CELF1: variants seen among roughly 807,000 people sequenced by gnomAD.
CELF1 encodes the protein 50 kDa nuclear polyadenylated RNA-binding protein.
A neutral mutation model predicts 61.8 loss-of-function variants in CELF1; 10 were observed. That is an observed-to-expected ratio of 0.16 (90% CI 0.10 to 0.27). The LOEUF is 0.27. CELF1 is among the 10% of genes least tolerant of loss of function. CELF1 has a pLI of 1.00. For synonymous variants in CELF1, 236 were observed against 225.1 expected (o/e 1.05, Z -0.43); for missense variants, 380 against 639.1 (o/e 0.59, Z 4.37).
At chr11:47,493,616 T>C (rs1396418161) in intron 3 of CELF1, among the ~76,000 whole-genome samples, 7 of 151,874 alleles carry the variant, frequency 4.6e-5, no homozygotes, top group Non-Finnish European at 1.0e-4. Flanking sequence ...TTACAGAAAT[T>C]AGACTGAGCA....
chr11:47,526,047 G>A (rs962639684), intron 1 of CELF1, among the ~76,000 whole-genome samples: 1 of 152,018 alleles, frequency 6.6e-6, no homozygotes, highest in African/African-American at 2.4e-5. Context: ...GGGCACCTGC[G>A]CACCAGGAGT....
chr11:47,545,370 G>A (rs559884745), intron 1 of CELF1, among the ~76,000 whole-genome samples: 1 of 152,314 alleles, frequency 6.6e-6, no homozygotes, highest in African/African-American at 2.4e-5. Context: ...AGCAGAGGTT[G>A]CAGTGAGCCG....
intron 1 of CELF1, among the ~76,000 whole-genome samples, chr11:47,530,892 C>A (rs2096449395): frequency 6.6e-6 from 1 of 151,854 alleles, no homozygotes; most frequent in African/African-American, 2.4e-5. Flanking sequence ...GAGGTCAAGG[C>A]TACAGTGAGC....
intron 1 of CELF1, among the ~76,000 whole-genome samples, chr11:47,552,347 G>A (rs1189792340): frequency 6.6e-6 from 1 of 152,216 alleles, no homozygotes; most frequent in African/African-American, 2.4e-5. Flanking sequence ...TAAAATCAAA[G>A]CCTGGTCCCT....
chr11:47,478,787 CACAGAA>C (rs2081380527), intron 10 of CELF1, 84 bp downstream of exon 10: 1 of 1,071,844 alleles, frequency 9.3e-7, no homozygotes, highest in African/African-American at 1.6e-5. Context: ...AAAATGTTTT[CACAGAA>C]ACGATGCCAA....
chr11:47,523,771 GA>G (rs1204495511), intron 1 of CELF1: 3 of 152,312 alleles, frequency 2.0e-5, no homozygotes, highest in African/African-American at 7.2e-5. Context: ...CTCATGAGGG[GA>G]TGGGGGAGGG....
chr11:47,477,153 A>C, intron 11 of CELF1, 144 bp downstream of exon 11: 1 of 987,648 alleles, frequency 1.0e-6, no homozygotes, highest in South Asian at 1.6e-5. Flanking sequence ...TTAAGTACAA[A>C]AGATGACATT....
Position 47,507,190 on chromosome 11 carries a change from A to C in CELF1, c.-153-6258T>G, listed in dbSNP as rs560427189. 5.3e-5 allele frequency among the ~76,000 whole-genome samples: 8 copies of C among 152,364 alleles called. No homozygotes were observed. The South Asian group carries it at 1.5e-3, about 28-fold the overall frequency. On this transcript the variant is annotated intron_variant, in intron 1 of 14. Transcript: ENST00000687097. ...GTAACAAATAGCAAAACAATGACTA[A>C]AATTTATGAGGTTGAATTTCAGTAC...
At chr11:47,534,689 C>G (rs1321738776) in intron 1 of CELF1, among the ~76,000 whole-genome samples, 1 of 152,130 alleles carries the variant, frequency 6.6e-6, no homozygotes, top group Non-Finnish European at 1.5e-5. Context: ...GATCGCACCA[C>G]TGCACTCCAG....
At chr11:47,561,379 C>G (rs1489250879) in intron 2 of CELF1, among the ~76,000 whole-genome samples, 1 of 128,248 alleles carries the variant, frequency 7.8e-6, no homozygotes, top group Non-Finnish European at 1.6e-5. Context: ...GGAGGCGGAG[C>G]TTGCAGTGAG....
intron 10 of CELF1, among the ~76,000 whole-genome samples, chr11:47,477,955 G>GA (rs2081008165): frequency 6.6e-6 from 1 of 152,032 alleles, no homozygotes; most frequent in East Asian, 1.9e-4. Flanking sequence ...GAGGAGAGAG[G>GA]AAAAATCACT....
intron 13 of CELF1, among the ~76,000 whole-genome samples, chr11:47,473,670 A>G (rs2078688080): frequency 6.6e-6 from 1 of 152,190 alleles, no homozygotes; most frequent in Admixed American, 6.5e-5. Context: ...ATGACTACAA[A>G]GGGGCACGAG....
Position 47,472,190 on chromosome 11 carries a change from C to T in CELF1, c.*40G>A. ...ATTAAGGGTGCTCCTCCCCCACTTA[C>T]CAGAAGACCCTCTCACTCCAGTCTC... is the stretch of plus-strand genomic sequence containing the variant. On this transcript the variant is annotated 3_prime_UTR_variant, in exon 15 of 15. Transcript: ENST00000687097. 6.2e-7 allele frequency: 1 copy of T among 1,609,472 alleles called. No homozygotes were observed. The highest frequency in any genetic ancestry group is 8.5e-7 in the Non-Finnish European group (1 of 1,177,336).
exon 1 of CELF1, chr11:47,565,443 GGGCCCTCCTCCA>G: frequency 4.2e-6 from 2 of 478,646 alleles, no homozygotes; most frequent in East Asian, 9.2e-5. Flanking sequence ...CGAGGCCGCC[GGGCCCTCCTCCA>G]GAGTCCCGCC....
At position 47,522,541 on chromosome 11, in the gene CELF1, C is replaced by CAAA. The variant is rs773080593; in HGVS notation, c.-153-21612_-153-21610dup. Among the ~76,000 whole-genome samples, 98 of 151,214 alleles carry CAAA rather than the reference C, an allele frequency of 6.5e-4. 21 individuals are homozygous for CAAA. Among genetic ancestry groups the CAAA allele is most frequent in the Non-Finnish European group, 9.1e-4 (62 of 67,782 alleles). On this transcript the variant is annotated intron_variant, in intron 1 of 14. Coordinates refer to ENST00000687097, the MANE Select transcript of CELF1 (RefSeq NM_001376376.1). ...TCTAAAACAACAACAACAACAACAACAAAACGCCAGGCACAGTGGCTCAGG... is the reference window on the plus strand; with the variant it reads ...TCTAAAACAACAACAACAACAACAACAAAAAAACGCCAGGCACAGTGGCTCAGG...
intron 1 of CELF1, among the ~76,000 whole-genome samples, chr11:47,524,314 A>AT (rs1272633552): frequency 6.6e-6 from 1 of 152,066 alleles, no homozygotes; most frequent in Non-Finnish European, 1.5e-5. Flanking sequence ...GAAAAAAAAA[A>AT]CACTACCACT....
chr11:47,535,454 G>A (rs1215038858), intron 1 of CELF1, among the ~76,000 whole-genome samples: 5 of 151,936 alleles, frequency 3.3e-5, no homozygotes, highest in Admixed American at 1.3e-4. Flanking sequence ...CGAGGCAGGC[G>A]GATCAGTTGA....
At chr11:47,565,057 G>A (rs1203958721) in intron 1 of CELF1, among the ~76,000 whole-genome samples, 3 of 152,118 alleles carry the variant, frequency 2.0e-5, no homozygotes, top group African/African-American at 7.2e-5. Context: ...CCCTCACCCA[G>A]GTAGCTCCTC....
chr11:47,499,566 G>A lies in CELF1; in HGVS notation c.-43C>T. ...CAGAAGCCAATGATATTAACTTGCT[G>A]CACTTGTCTGATCCACAAATACACA... is the stretch of plus-strand genomic sequence containing the variant. On this transcript the variant is annotated 5_prime_UTR_variant, in exon 3 of 15. Transcript: ENST00000687097. The A allele has an allele frequency of 6.9e-7, 1 of 1,454,124 alleles. No homozygotes were observed. The highest frequency in any genetic ancestry group is 9.3e-7 in the Non-Finnish European group (1 of 1,072,534). 90.1% of individuals were successfully genotyped at this position (1,454,124 alleles called of 1,614,324 possible).
Sources: gnomAD v4.1 joint callset for allele counts (sites outside exome capture counted in the v4.1 genomes callset) on GRCh38, gnomAD v4.1.1 for gene constraint, MANE v1.5 for transcripts, NCBI Gene and HGNC (gene_info 2026-07-23, HGNC 2026-07-21) for gene names.